Variants in DLG2 observed in about 807,000 individuals in gnomAD.
DLG2 encodes disks large homolog 2.
In DLG2, 45 loss-of-function variants were observed where a neutral mutation model predicts 132.5. The ratio of observed to expected loss-of-function variants is 0.34; its 90% CI spans 0.27 to 0.44. The LOEUF is 0.44. DLG2 is among the 20% of genes least tolerant of loss of function. The pLI, the probability that DLG2 is intolerant of heterozygous loss-of-function variation, is 1.00. For synonymous variants in DLG2, 424 were observed against 419.6 expected, an observed-to-expected ratio of 1.01 and a Z score of -0.13; for missense variants, 1,045 against 1,196.9, an observed-to-expected ratio of 0.87 and a Z score of 1.87.
chr11:84,227,277 T>C (rs1006076972), intron 8 of DLG2, among the ~76,000 whole-genome samples: 2 of 151,850 alleles, frequency 1.3e-5, no homozygotes, highest in African/African-American at 4.8e-5. Flanking sequence ...AGACAAAAAT[T>C]AGTGCAAAAG....
chr11:84,090,885 T>C (rs554054140), intron 10 of DLG2, among the ~76,000 whole-genome samples: 1 of 152,370 alleles, frequency 6.6e-6, no homozygotes, highest in East Asian at 1.9e-4. Context: ...TGGCTAAATA[T>C]GCTACTTTAT....
At chr11:84,275,661 A>C (rs966527191) in intron 7 of DLG2, among the ~76,000 whole-genome samples, 2 of 152,178 alleles carry the variant, frequency 1.3e-5, no homozygotes, top group African/African-American at 4.8e-5. Context: ...GCCGTGCTAT[A>C]ATTTTTGGTA....
At chr11:85,607,001 G>T (rs968284072) in intron 2 of DLG2, among the ~76,000 whole-genome samples, 36 of 152,306 alleles carry the variant, frequency 2.4e-4, no homozygotes, top group African/African-American at 7.7e-4. Context: ...AAGTCAGAGA[G>T]ACAAAGAACC....
chr11:84,651,029 G>C (rs2099681426), intron 6 of DLG2, among the ~76,000 whole-genome samples: 2 of 151,610 alleles, frequency 1.3e-5, no homozygotes, highest in Admixed American at 6.6e-5. Flanking sequence ...CAGAGATGCT[G>C]TACCTTTTTT....
At chr11:83,628,331 T>C (rs1445508486) in intron 19 of DLG2, among the ~76,000 whole-genome samples, 1 of 152,162 alleles carries the variant, frequency 6.6e-6, no homozygotes, top group Non-Finnish European at 1.5e-5. Context: ...GAGAAACTGA[T>C]TCGTCCATGG....
chr11:84,407,888 A>G (rs2098865360), intron 7 of DLG2, among the ~76,000 whole-genome samples: 1 of 152,174 alleles, frequency 6.6e-6, no homozygotes, highest in African/African-American at 2.4e-5. Flanking sequence ...ACTTTTTACA[A>G]ATTAGAGTGT....
chr11:85,390,227 C>T (rs2086680325), intron 3 of DLG2, among the ~76,000 whole-genome samples: 1 of 151,694 alleles, frequency 6.6e-6, no homozygotes, highest in Non-Finnish European at 1.5e-5. Context: ...ACAAAACACA[C>T]TTAAAGCAAC....
chr11:83,669,712 T>C (rs935930703), intron 18 of DLG2, among the ~76,000 whole-genome samples: 1 of 152,200 alleles, frequency 6.6e-6, no homozygotes, highest in African/African-American at 2.4e-5. Flanking sequence ...CAGACAACTT[T>C]TCCAACCCTG....
intron 6 of DLG2, among the ~76,000 whole-genome samples, chr11:84,960,560 C>T (rs958887654): frequency 1.3e-5 from 2 of 151,888 alleles, no homozygotes; most frequent in East Asian, 1.9e-4. Context: ...CTCAGCCTCC[C>T]GAGTAGCTGG....
Position 83,673,544 on chromosome 11 carries a change from T to C in DLG2, c.1826-40219A>G, listed in dbSNP as rs535571731. Among the ~76,000 whole-genome samples the C allele has an allele frequency of 4.6e-5, 7 of 152,336 alleles. No individual in the cohort carries two copies. In the East Asian group the frequency reaches 5.8e-4, roughly 13 times the overall value. ...TAATATTTTAAAATGAGGTTGTTGA[T>C]GGTAGAAGGCCCACTAGCACTTTTT... is the stretch of plus-strand genomic sequence containing the variant. On this transcript the variant is annotated intron_variant, in intron 18 of 27. Transcript: ENST00000376104.
At position 84,756,306 on chromosome 11, in the gene DLG2, A is replaced by G. The variant is rs1012235993; in HGVS notation, c.358-221575T>C. ...AAACACAAAATGTTATGTAAATTCT[A>G]AATAGAAATAACTGTTGAGAGACCA... On this transcript the variant is annotated intron_variant, in intron 6 of 27. Transcript: ENST00000376104. Among the ~76,000 whole-genome samples the G allele has an allele frequency of 1.6e-4, 24 of 152,226 alleles. 1 individual carries two copies. The highest frequency in any genetic ancestry group is 4.6e-4 in the African/African-American group (19 of 41,462).
At chr11:84,443,389 CTCTT>C (rs2099023413) in intron 7 of DLG2, among the ~76,000 whole-genome samples, 2 of 152,306 alleles carry the variant, frequency 1.3e-5, no homozygotes, top group East Asian at 1.9e-4. Context: ...TTGTAGCTCT[CTCTT>C]TAAGTACATA....
intron 21 of DLG2, among the ~76,000 whole-genome samples, chr11:83,494,904 A>T (rs2094067518): frequency 6.6e-6 from 1 of 152,178 alleles, no homozygotes; most frequent in African/African-American, 2.4e-5. Flanking sequence ...CACATGAAGA[A>T]CTAGAATAGA....
intron 6 of DLG2, among the ~76,000 whole-genome samples, chr11:84,802,956 C>T (rs1456864068): frequency 1.3e-5 from 2 of 152,088 alleles, no homozygotes; most frequent in Non-Finnish European, 2.9e-5. Context: ...CGTACCACCA[C>T]ACCTGGCTAA....
intron 7 of DLG2, among the ~76,000 whole-genome samples, chr11:84,330,616 T>G (rs976102685): frequency 6.6e-6 from 1 of 152,168 alleles, no homozygotes; most frequent in African/African-American, 2.4e-5. Flanking sequence ...AATACTGTTA[T>G]AGCCTTCATT....
intron 7 of DLG2, among the ~76,000 whole-genome samples, chr11:84,324,566 C>T (rs2098421440): frequency 6.6e-6 from 1 of 151,668 alleles, no homozygotes; most frequent in Admixed American, 6.6e-5. Flanking sequence ...TTTAAATTTT[C>T]CTGTAACAAA....
At position 84,597,848 on chromosome 11, in the gene DLG2, TAAC is replaced by T. The variant is rs141088621; in HGVS notation, c.358-63120_358-63118del. 2.2e-3 allele frequency among the ~76,000 whole-genome samples: 328 copies of T among 152,282 alleles called. 3 individuals carry two copies. Among genetic ancestry groups the T allele is most frequent in the African/African-American group, 7.4e-3 (306 of 41,568 alleles). ...GAAGTATTCTTGCCATTTGAAACCA[TAAC>T]AACAACAAAATCCATTTAATGTAAT... is the stretch of plus-strand genomic sequence containing the variant. On this transcript the variant is annotated intron_variant, in intron 6 of 27. Coordinates refer to ENST00000376104, the MANE Select transcript of DLG2 (RefSeq NM_001142699.3).
intron 7 of DLG2, among the ~76,000 whole-genome samples, chr11:84,257,873 G>T (rs568596579): frequency 6.6e-6 from 1 of 151,814 alleles, no homozygotes; most frequent in East Asian, 1.9e-4. Flanking sequence ...TTTTTATAGA[G>T]ACGGGGTTTT....
At chr11:84,448,859 GTAA>G (rs1275976018) in intron 7 of DLG2, among the ~76,000 whole-genome samples, 1 of 151,976 alleles carries the variant, frequency 6.6e-6, no homozygotes, top group Non-Finnish European at 1.5e-5. Context: ...CACGTGGTAG[GTAA>G]TAATAACTAT....
Sources: gnomAD v4.1 joint callset for allele counts (sites outside exome capture counted in the v4.1 genomes callset) on GRCh38, gnomAD v4.1.1 for gene constraint, MANE v1.5 for transcripts, NCBI Gene and HGNC (gene_info 2026-07-23, HGNC 2026-07-21) for gene names.